FARP2: variants seen among roughly 807,000 people sequenced by gnomAD.
FARP2 encodes the protein FERM, ARHGEF and pleckstrin domain-containing protein 2.
FARP2 carries 111 observed loss-of-function variants against 130.5 expected under a neutral mutation model. The ratio of observed to expected loss-of-function variants is 0.85; its 90% CI spans 0.73 to 1.00. The LOEUF (loss-of-function observed/expected upper bound fraction) is 1.00. FARP2 is among the 50% of genes least tolerant of loss of function. The probability of loss-of-function intolerance (pLI) is 0.00; values close to 1 mark genes in which losing one functional copy is unlikely to be tolerated. For synonymous variants in FARP2, 504 were observed against 516.9 expected (o/e 0.98, Z 0.34); for missense variants, 1,385 against 1,346.3 (o/e 1.03, Z -0.45).
Position 241,463,481 on chromosome 2 carries a change from C to T in FARP2, c.1811+13C>T. On this transcript the variant is annotated intron_variant, in intron 16 of 26. Coordinates refer to ENST00000264042, the MANE Select transcript of FARP2 (RefSeq NM_014808.4). ...GGCTGGCACTCTGGTAACACCCCTT[C>T]AGCCCCCACACGGGAGACTCCCACA... 6.2e-7 allele frequency: 1 copy of T among 1,611,960 alleles called. No individual in the cohort carries two copies. The highest frequency in any genetic ancestry group is 8.5e-7 in the Non-Finnish European group (1 of 1,179,338).
chr2:241,429,619 G>A (rs2063042184), intron 8 of FARP2, among the ~76,000 whole-genome samples: 1 of 152,142 alleles, frequency 6.6e-6, no homozygotes, highest in African/African-American at 2.4e-5. Flanking sequence ...TGACTAGGTA[G>A]TGGCTCATGC....
intron 2 of FARP2, among the ~76,000 whole-genome samples, chr2:241,380,870 G>A (rs1002948353): frequency 6.6e-6 from 1 of 151,998 alleles, no homozygotes; most frequent in African/African-American, 2.4e-5. Flanking sequence ...AGGAGTGGGT[G>A]GGTAGTGCGT....
At chr2:241,463,502 C>G in intron 16 of FARP2, 34 bp downstream of exon 16, 1 of 1,599,952 alleles carries the variant, frequency 6.3e-7, no homozygotes, top group South Asian at 1.1e-5. Context: ...CGGGAGACTC[C>G]CACACCAACT....
At position 241,410,013 on chromosome 2, in the gene FARP2, A is replaced by C. The variant is rs749613844; in HGVS notation, c.411-1020A>C. ...AATGTGGTAAATTTTAATATTGTGC[A>C]CTGGGGCATGAATTCCACTAGGGAC... On this transcript the variant is annotated intron_variant, in intron 5 of 26. Coordinates refer to ENST00000264042, the MANE Select transcript of FARP2 (RefSeq NM_014808.4). Among the ~76,000 whole-genome samples, 15 of 152,280 alleles carry C rather than the reference A, an allele frequency of 9.9e-5. No individual in the cohort carries two copies. The South Asian group carries it at 2.1e-3, about 21-fold the overall frequency.
chr2:241,425,188 T>A (rs1326668247), intron 8 of FARP2, among the ~76,000 whole-genome samples: 1 of 152,020 alleles, frequency 6.6e-6, no homozygotes, highest in Non-Finnish European at 1.5e-5. Flanking sequence ...GTCTGGGCGA[T>A]GAAGTGCGAC....
intron 19 of FARP2, among the ~76,000 whole-genome samples, chr2:241,481,733 T>C (rs952654399): frequency 6.6e-6 from 1 of 152,186 alleles, no homozygotes; most frequent in African/African-American, 2.4e-5. Context: ...CTGGGTCTTA[T>C]AGATGGTGGC....
At chr2:241,464,579 C>A (rs1277667278) in intron 17 of FARP2, among the ~76,000 whole-genome samples, 1 of 152,250 alleles carries the variant, frequency 6.6e-6, no homozygotes, top group Non-Finnish European at 1.5e-5. Context: ...AGGGTCCACC[C>A]AAAACAGGGT....
intron 1 of FARP2, among the ~76,000 whole-genome samples, chr2:241,369,323 T>C (rs981204500): frequency 2.0e-5 from 3 of 152,116 alleles, no homozygotes; most frequent in Non-Finnish European, 4.4e-5. Context: ...GAATCAGATA[T>C]ATGGCTTAAT....
At chr2:241,429,650 G>A (rs2150393555) in intron 8 of FARP2, among the ~76,000 whole-genome samples, 1 of 152,234 alleles carries the variant, frequency 6.6e-6, no homozygotes, top group Admixed American at 6.5e-5. Flanking sequence ...AACAGAGGCT[G>A]AAGCAGGAGG....
chr2:241,368,209 G>A (rs935843365), intron 1 of FARP2, among the ~76,000 whole-genome samples: 3 of 151,990 alleles, frequency 2.0e-5, no homozygotes, highest in African/African-American at 4.8e-5. Context: ...AAATTGTATC[G>A]GCCACCAGAA....
At chr2:241,431,364 G>A (rs1003439088) in intron 8 of FARP2, among the ~76,000 whole-genome samples, 3 of 151,550 alleles carry the variant, frequency 2.0e-5, no homozygotes, top group Non-Finnish European at 4.4e-5. Context: ...AGTCCCAGCT[G>A]CTCCAGAGGC....
rs1005484381 is a variant in FARP2 at position 241,404,825 on chromosome 2, C to A, written c.315C>A (p.Ile105=). Residue 105 remains isoleucine, a synonymous_variant, in exon 4 of 27, where the codon ATC becomes ATA. Coordinates refer to ENST00000264042, the MANE Select transcript of FARP2 (RefSeq NM_014808.4). ...YWIWLEPMKP[I]IRQIRRPKNV... is the part of the protein sequence containing the mutation. ...TTTGGCTTGAACCTATGAAACCCAT[C>A]ATTAGGCAAATACGAAGTAAGTCCT... The A allele has an allele frequency of 2.5e-6, 4 of 1,609,618 alleles. No homozygotes were observed. Among genetic ancestry groups the A allele is most frequent in the Non-Finnish European group, 3.4e-6 (4 of 1,176,296 alleles).
At chr2:241,357,646 T>C (rs2061098953) in intron 1 of FARP2, among the ~76,000 whole-genome samples, 1 of 152,186 alleles carries the variant, frequency 6.6e-6, no homozygotes, top group Non-Finnish European at 1.5e-5. Flanking sequence ...CCTAGGGTAC[T>C]TGCAAATACC....
intron 2 of FARP2, among the ~76,000 whole-genome samples, chr2:241,392,624 A>G (rs2061934086): frequency 6.6e-6 from 1 of 152,096 alleles, no homozygotes; most frequent in Admixed American, 6.6e-5. Context: ...TCCCTCTATG[A>G]TACAGAACCC....
chr2:241,428,321 G>A (rs946267740), intron 8 of FARP2, among the ~76,000 whole-genome samples: 1 of 147,886 alleles, frequency 6.8e-6, no homozygotes, highest in African/African-American at 2.5e-5. Context: ...TGCAACCTGC[G>A]CCTCCTGGGT....
intron 4 of FARP2, among the ~76,000 whole-genome samples, chr2:241,405,562 ATAAC>A (rs1477781705): frequency 1.3e-5 from 2 of 152,244 alleles, no homozygotes; most frequent in African/African-American, 2.4e-5. Flanking sequence ...GAAAGAAAAA[ATAAC>A]TATTTTATAC....
intron 7 of FARP2, among the ~76,000 whole-genome samples, chr2:241,413,817 C>T (rs549881145): frequency 3.9e-5 from 6 of 152,154 alleles, no homozygotes; most frequent in African/African-American, 1.4e-4. Context: ...ATGGCAGGCA[C>T]CTGTAGTCCC....
chr2:241,365,713 G>T (rs1405494647), intron 1 of FARP2, among the ~76,000 whole-genome samples: 3 of 151,992 alleles, frequency 2.0e-5, no homozygotes, highest in African/African-American at 7.2e-5. Flanking sequence ...AAGTTACTGG[G>T]CTTTGAAGTC....
At chr2:241,483,849 AC>A in intron 20 of FARP2, 1 of 985,456 alleles carries the variant, frequency 1.0e-6, no homozygotes, top group Non-Finnish European at 1.2e-6. Context: ...AGAAGGTGCT[AC>A]TGATGGCCCA....
Sources: allele counts gnomAD v4.1 joint callset (sites outside exome capture counted in the v4.1 genomes callset), GRCh38; gene constraint gnomAD v4.1.1; transcripts MANE v1.5; gene names NCBI Gene and HGNC (gene_info 2026-07-23, HGNC 2026-07-21).